Variants in SP3 observed in about 807,000 individuals in gnomAD.
SP3 encodes transcription factor Sp3.
Under a neutral mutation model 70.3 loss-of-function variants are expected in SP3, and 10 were observed. The ratio of observed to expected loss-of-function variants is 0.14; its 90% confidence interval spans 0.09 to 0.24. The LOEUF is 0.24. Ranked by LOEUF, SP3 falls within the 10% of genes least tolerant of loss-of-function variation. The probability of loss-of-function intolerance (pLI) is 1.00; values close to 1 mark genes in which losing one functional copy is unlikely to be tolerated. For missense variants in SP3, 825 were observed against 914.6 expected (o/e 0.90, Z 1.26); for synonymous variants, 402 against 333.5 (o/e 1.21, Z -2.24).
At chr2:173,919,348 T>C (rs1326262160) in intron 4 of SP3, among the ~76,000 whole-genome samples, 1 of 152,202 alleles carries the variant, frequency 6.6e-6, no homozygotes, top group Non-Finnish European at 1.5e-5. Flanking sequence ...TAAAATCAAT[T>C]AATGTAGTAA....
In SP3 at chr2:173,965,357, G is replaced by A. The variant is rs923784075; in HGVS notation, c.-186C>T. On this transcript the variant is annotated 5_prime_UTR_variant, in exon 1 of 7. Transcript: ENST00000310015. Reference sequence around the variant, plus strand: ...AAAAGGTGGAGCCTCCAGCCCAAAAGGGGGGAAGAGGGTGACAGCCCGCCC... The same window carrying A: ...AAAAGGTGGAGCCTCCAGCCCAAAAAGGGGGAAGAGGGTGACAGCCCGCCC... 4.7e-6 allele frequency: 3 copies of A among 643,826 alleles called. No individual in the cohort carries two copies. 39.9% of individuals were successfully genotyped at this position (643,826 alleles called of 1,614,324 possible). A position where few individuals can be genotyped will look rare whatever the true frequency, so the allele number is the denominator to read the frequency against.
chr2:173,935,226 C>A (rs910449539), intron 4 of SP3, among the ~76,000 whole-genome samples: 14 of 152,006 alleles, frequency 9.2e-5, no homozygotes, highest in Non-Finnish European at 2.9e-5. Flanking sequence ...GACAGTGAGA[C>A]CCTGTTTCCA....
upstream of SP3, chr2:173,965,475 G>A: frequency 2.8e-6 from 1 of 352,520 alleles, no homozygotes. Flanking sequence ...CGGTCTGCCA[G>A]GCGGCGCGCT....
rs1004644494 is a variant in SP3, at chr2:173,965,224, G to C, written c.-53C>G. The C allele has an allele frequency of 4.5e-6, 7 of 1,541,636 alleles. No homozygotes were observed. Among genetic ancestry groups the C allele is most frequent in the Non-Finnish European group, 6.1e-6 (7 of 1,141,732 alleles). Reference sequence around the variant, plus strand: ...CTCCCCGCCGCCTTACACATGGTGAGGAGCGAAGGCGGCGGCGGCGGGAGA... The same window carrying C: ...CTCCCCGCCGCCTTACACATGGTGACGAGCGAAGGCGGCGGCGGCGGGAGA... On this transcript the variant is annotated 5_prime_UTR_variant, in exon 1 of 7. Coordinates refer to ENST00000310015, the MANE Select transcript of SP3 (RefSeq NM_003111.5).
At chr2:173,931,773 T>C (rs900288985) in intron 4 of SP3, among the ~76,000 whole-genome samples, 1 of 152,244 alleles carries the variant, frequency 6.6e-6, no homozygotes, top group Non-Finnish European at 1.5e-5. Context: ...TTAAACCTCA[T>C]GGACCAGTAT....
At chr2:173,927,276 C>CTT (rs34409340) in intron 4 of SP3, among the ~76,000 whole-genome samples, 10 of 142,180 alleles carry the variant, frequency 7.0e-5, no homozygotes, top group African/African-American at 1.8e-4. Flanking sequence ...AACTATATAT[C>CTT]TTTTTTTTTT....
chr2:173,933,767 C>A (rs6745833), intron 4 of SP3, among the ~76,000 whole-genome samples: 5 of 149,950 alleles, frequency 3.3e-5, no homozygotes, highest in African/African-American at 9.8e-5. Context: ...TCTGATATAA[C>A]CCTGCTTCAA....
rs765024914 is a variant in SP3, at chr2:173,918,742, C to T, written c.1683G>A (p.Gln561=). 2.5e-6 allele frequency: 4 copies of T among 1,613,368 alleles called. No individual in the cohort carries two copies. Among genetic ancestry groups the T allele is most frequent in the Non-Finnish European group, 3.4e-6 (4 of 1,179,610 alleles). ...KEEEPDPEEW[Q]LSGDSTLNTN... ...TATTCAAGGTAGAATCACCACTGAG[C>T]TGCCACTCTTCAGGATCAGGTTCTT... The change falls in exon 5 of 7, where the codon CAG becomes CAA. Residue 561 remains glutamine, a synonymous_variant. Coordinates refer to ENST00000310015, the MANE Select transcript of SP3 (RefSeq NM_003111.5).
chr2:173,934,070 A>G (rs1242688019), intron 4 of SP3, among the ~76,000 whole-genome samples: 11 of 152,054 alleles, frequency 7.2e-5, no homozygotes, highest in Non-Finnish European at 1.5e-4. Context: ...CATCATTACA[A>G]AAAATTAAAA....
chr2:173,962,280 A>C (rs890462633), intron 3 of SP3, among the ~76,000 whole-genome samples: 1 of 152,246 alleles, frequency 6.6e-6, no homozygotes, highest in African/African-American at 2.4e-5. Context: ...AAACTTTACA[A>C]ATTACAGTTA....
At position 173,904,370 on chromosome 2, in the gene SP3, A is replaced by T. The variant is rs903817246; in HGVS notation, c.*5571T>A. Among the ~76,000 whole-genome samples, 1 of 152,172 alleles carries T rather than the reference A, an allele frequency of 6.6e-6. No homozygotes were observed. The highest frequency in any genetic ancestry group is 2.4e-5 in the African/African-American group (1 of 41,442). ...GAATATACTGTACCTCAGTTGTCTT[A>T]GTTGGCATTATTTGGTAGCAAGTAA... On this transcript the variant is annotated 3_prime_UTR_variant, in exon 7 of 7. Coordinates refer to ENST00000310015, the MANE Select transcript of SP3 (RefSeq NM_003111.5).
At chr2:173,941,127 T>TAAA (rs71021605) in intron 4 of SP3, among the ~76,000 whole-genome samples, 2 of 93,002 alleles carry the variant, frequency 2.2e-5, no homozygotes, top group Non-Finnish European at 4.7e-5. Flanking sequence ...ACAACACGAG[T>TAAA]AAAAAAAAAA....
In SP3 at chr2:173,913,819, C is replaced by T. The variant is rs566933531; in HGVS notation, c.1833-553G>A. ...TGAATATACACTGACTTGGAGAAAG[C>T]TTTTTTTTAAATCTAGTTAAAGCAA... On this transcript the variant is annotated intron_variant, in intron 5 of 6. Coordinates refer to ENST00000310015, the MANE Select transcript of SP3 (RefSeq NM_003111.5). The T allele has an allele frequency of 3.3e-5, 5 of 152,014 alleles. No individual in the cohort carries two copies. The East Asian group carries it at 9.6e-4, about 29-fold the overall frequency. 9.4% of individuals were successfully genotyped at this position (152,014 alleles called of 1,614,324 possible).
At chr2:173,937,374 A>C (rs1690238782) in intron 4 of SP3, among the ~76,000 whole-genome samples, 1 of 152,202 alleles carries the variant, frequency 6.6e-6, no homozygotes. Context: ...TAATGCAGGG[A>C]AATAGCCTAA....
In SP3 at chr2:173,905,773, AG is replaced by A. The variant is rs1689298585; in HGVS notation, c.*4167del. ...CAACACTTTGGGAGGCAGAGGTGGA[AG>A]GATCACTTGAGCCCAGGAATTCAAG... is the stretch of plus-strand genomic sequence containing the variant. On this transcript the variant is annotated 3_prime_UTR_variant, in exon 7 of 7. Coordinates refer to ENST00000310015, the MANE Select transcript of SP3 (RefSeq NM_003111.5). Among the ~76,000 whole-genome samples the A allele has an allele frequency of 6.6e-6, 1 of 152,172 alleles. No homozygotes were observed. Among genetic ancestry groups the A allele is most frequent in the Non-Finnish European group, 1.5e-5 (1 of 68,024 alleles).
intron 4 of SP3, among the ~76,000 whole-genome samples, chr2:173,940,324 T>C (rs1175449325): frequency 6.6e-6 from 1 of 152,192 alleles, no homozygotes; most frequent in Non-Finnish European, 1.5e-5. Context: ...ATTAGATTTT[T>C]CATAAGGAGC....
At chr2:173,935,929 ACCAATCC>A (rs1690196953) in intron 4 of SP3, among the ~76,000 whole-genome samples, 1 of 148,656 alleles carries the variant, frequency 6.7e-6, no homozygotes, top group Non-Finnish European at 1.5e-5. Context: ...ATAGCTAATC[ACCAATCC>A]TATAAAATTC....
upstream of SP3, chr2:173,965,398 C>A: frequency 1.8e-6 from 1 of 567,000 alleles, no homozygotes; most frequent in African/African-American, 2.0e-5. Context: ...TCCCGCCCCT[C>A]TTCTTGGCTC....
chr2:173,963,172 A>C (rs1359856041), intron 3 of SP3: 1 of 151,168 alleles, frequency 6.6e-6, no homozygotes, highest in East Asian at 1.9e-4. Context: ...TACCCCCCTT[A>C]CAAAAAAAAA....
Sources: gnomAD v4.1 joint callset for allele counts (sites outside exome capture counted in the v4.1 genomes callset) on GRCh38, gnomAD v4.1.1 for gene constraint, MANE v1.5 for transcripts, NCBI Gene and HGNC (gene_info 2026-07-23, HGNC 2026-07-21) for gene names.